The following DGKB variants were observed in gnomAD, a reference collection of about 807,000 sequenced individuals.
The protein encoded by DGKB is diacylglycerol kinase beta.
Under a neutral mutation model 114.3 loss-of-function variants are expected in DGKB, and 67 were observed. That is an observed-to-expected ratio of 0.59 (90% CI 0.48 to 0.72). The LOEUF is 0.72. Among genes scored for constraint, DGKB ranks in the 30% least tolerant of loss-of-function variants. The pLI is 0.00. For missense variants in DGKB, 907 were observed against 975.2 expected, an observed-to-expected ratio of 0.93 and a Z score of 0.93; for synonymous variants, 398 against 323.1, an observed-to-expected ratio of 1.23 and a Z score of -2.49.
At chr7:14,201,582 G>C (rs541509821) in intron 23 of DGKB, among the ~76,000 whole-genome samples, 4 of 152,004 alleles carry the variant, frequency 2.6e-5, no homozygotes, top group African/African-American at 7.2e-5. Flanking sequence ...TTCAGGGTTG[G>C]TAGACAAGCT....
chr7:14,475,868 T>G (rs59470727), intron 21 of DGKB, among the ~76,000 whole-genome samples: 12,587 of 152,010 alleles, frequency 0.083, 745 homozygotes, highest in East Asian at 0.35. Flanking sequence ...ATAATAGGAG[T>G]CTTTATGAGT....
At chr7:14,879,883 T>C (rs138898482) in intron 1 of DGKB, among the ~76,000 whole-genome samples, 1 of 152,160 alleles carries the variant, frequency 6.6e-6, no homozygotes, top group Non-Finnish European at 1.5e-5. Flanking sequence ...ATAATAGGAA[T>C]CTAGTTTTAA....
At chr7:14,266,447 G>A (rs956967968) in intron 23 of DGKB, among the ~76,000 whole-genome samples, 1 of 152,150 alleles carries the variant, frequency 6.6e-6, no homozygotes, top group African/African-American at 2.4e-5. Context: ...TGCTGCAGCT[G>A]TATGTTTTAA....
chr7:14,455,056 G>A (rs1316147811), intron 21 of DGKB, among the ~76,000 whole-genome samples: 1 of 151,930 alleles, frequency 6.6e-6, no homozygotes, highest in Non-Finnish European at 1.5e-5. Flanking sequence ...GGTTATCTAT[G>A]GAACCCAATA....
chr7:14,530,405 C>A (rs534682876), intron 20 of DGKB, among the ~76,000 whole-genome samples: 88 of 151,498 alleles, frequency 5.8e-4, no homozygotes, highest in African/African-American at 2.1e-3. Context: ...CCCTTGATCC[C>A]TTTTCAGAAA....
At chr7:14,953,316 G>A (rs1330644776) in intron 1 of DGKB, among the ~76,000 whole-genome samples, 1 of 151,976 alleles carries the variant, frequency 6.6e-6, no homozygotes, top group African/African-American at 2.4e-5. Flanking sequence ...CCTGATAAAG[G>A]AATTCTATAA....
At chr7:14,562,854 G>C (rs1796871652) in intron 20 of DGKB, among the ~76,000 whole-genome samples, 1 of 152,108 alleles carries the variant, frequency 6.6e-6, no homozygotes, top group African/African-American at 2.4e-5. Flanking sequence ...TTAATACTTT[G>C]GGGGACTGTT....
chr7:14,338,778 C>A, intron 22 of DGKB, 68 bp from the exon 23 acceptor site: 1 of 1,046,604 alleles, frequency 9.6e-7, no homozygotes, highest in South Asian at 2.7e-5. Flanking sequence ...TCTTGTTTTT[C>A]ATTTCCTCAT....
intron 21 of DGKB, among the ~76,000 whole-genome samples, chr7:14,418,639 A>G (rs1194810956): frequency 6.6e-6 from 1 of 151,840 alleles, no homozygotes; most frequent in Non-Finnish European, 1.5e-5. Flanking sequence ...AACATAAATA[A>G]CAAACAATCT....
At chr7:14,494,056 G>A (rs898759066) in intron 20 of DGKB, among the ~76,000 whole-genome samples, 2 of 151,470 alleles carry the variant, frequency 1.3e-5, no homozygotes, top group Non-Finnish European at 1.5e-5. Flanking sequence ...TGGCCAAAAT[G>A]CTCCACGTTA....
chr7:14,672,978 G>A lies in DGKB; in HGVS notation c.1085C>T (p.Pro362Leu), dbSNP rs373262401. ...SHLKPECDCG[P>L]LKDHILPPTT... ...GGGTGGTAAAATATGGTCCTTCAAAGGTCCACAGTCACATTCAGGTTTTAG... is the reference window on the plus strand; with the variant it reads ...GGGTGGTAAAATATGGTCCTTCAAAAGTCCACAGTCACATTCAGGTTTTAG... The change falls in exon 13 of 26, where the codon CCT becomes CTT. Residue 362 changes from proline (P) to leucine (L), a missense_variant. This residue lies in a region of DGKB where 814 missense variants were observed against 856.6 expected (regional missense o/e 0.95). Coordinates refer to ENST00000402815, the MANE Select transcript of DGKB (RefSeq NM_001350709.2). The A allele has an allele frequency of 5.1e-6, 8 of 1,579,578 alleles. No homozygotes were observed. The highest frequency in any genetic ancestry group is 1.2e-5 in the South Asian group (1 of 86,002).
chr7:14,830,211 G>A (rs957202291), intron 2 of DGKB, among the ~76,000 whole-genome samples: 6 of 151,998 alleles, frequency 3.9e-5, no homozygotes, highest in Admixed American at 1.3e-4. Flanking sequence ...ATATTAGTAA[G>A]AGAGTTTTAC....
chr7:14,906,085 A>T (rs1301005649), upstream of DGKB, among the ~76,000 whole-genome samples: 2 of 152,132 alleles, frequency 1.3e-5, no homozygotes, highest in Non-Finnish European at 2.9e-5. Context: ...CAATAAAGTT[A>T]TCTAGAATCT....
intron 1 of DGKB, among the ~76,000 whole-genome samples, chr7:14,941,444 T>C (rs1388148465): frequency 6.6e-6 from 1 of 152,120 alleles, no homozygotes; most frequent in Admixed American, 6.6e-5. Flanking sequence ...AATATTAATT[T>C]ACATTAAGAT....
chr7:14,535,082 A>G (rs1018599419), intron 20 of DGKB, among the ~76,000 whole-genome samples: 1 of 152,200 alleles, frequency 6.6e-6, no homozygotes, highest in African/African-American at 2.4e-5. Flanking sequence ...TTTAAAAAGA[A>G]TAAATGGCAA....
intron 23 of DGKB, chr7:14,192,014 C>T (rs1784386217): frequency 1.9e-6 from 1 of 515,162 alleles, no homozygotes; most frequent in South Asian, 1.6e-5. Context: ...GCTTTTCTGA[C>T]TATCCTCTGA....
rs538363078 is a variant in DGKB at position 14,549,983 on chromosome 7, C to A, written c.1770+24229G>T. Among the ~76,000 whole-genome samples the A allele has an allele frequency of 1.0e-3, 150 of 147,926 alleles. 3 individuals are homozygous for A. Among genetic ancestry groups the A allele is most frequent in the African/African-American group, 3.6e-3 (146 of 40,090 alleles). ...TAGCCTGCTGACAGAGCTAGACTGTCTAAAAAAAAAAAACAAAAAACTTTA... is the reference window on the plus strand; with the variant it reads ...TAGCCTGCTGACAGAGCTAGACTGTATAAAAAAAAAAAACAAAAAACTTTA... On this transcript the variant is annotated intron_variant, in intron 20 of 25. Transcript: ENST00000402815.
intron 20 of DGKB, among the ~76,000 whole-genome samples, chr7:14,516,507 C>T (rs1379801168): frequency 1.3e-5 from 2 of 152,144 alleles, no homozygotes; most frequent in Non-Finnish European, 2.9e-5. Flanking sequence ...CTGTGTGGTT[C>T]AGAGGCACAC....
At chr7:14,716,945 C>A (rs1301532441) in intron 6 of DGKB, among the ~76,000 whole-genome samples, 2 of 150,638 alleles carry the variant, frequency 1.3e-5, no homozygotes, top group Admixed American at 1.3e-4. Context: ...TGGTTTAAAA[C>A]AAAAGGAAAA....
Sources: allele counts gnomAD v4.1 joint callset (sites outside exome capture counted in the v4.1 genomes callset), GRCh38; gene constraint gnomAD v4.1.1; regional missense constraint gnomAD v4.1.1; transcripts MANE v1.5; gene names NCBI Gene and HGNC (gene_info 2026-07-23, HGNC 2026-07-21).